Variants in GRIN2A observed in about 807,000 individuals in gnomAD.
GRIN2A encodes the protein glutamate ionotropic receptor NMDA type subunit 2A.
Under a neutral mutation model 113.4 loss-of-function variants are expected in GRIN2A, and 22 were observed. That is an observed-to-expected ratio of 0.19 (90% confidence interval 0.14 to 0.28). GRIN2A has a LOEUF of 0.28. Among genes scored for constraint, GRIN2A ranks in the 10% least tolerant of loss-of-function variants. GRIN2A has a pLI of 1.00. For missense variants in GRIN2A, 1,502 were observed against 1,887.0 expected (o/e 0.80, Z 3.78); for synonymous variants, 827 against 738.4 (o/e 1.12, Z -1.94).
intron 2 of GRIN2A, chr16:10,111,387 G>A (rs549980321): frequency 1.9e-4 from 94 of 482,342 alleles, no homozygotes; most frequent in African/African-American, 9.3e-4. Flanking sequence ...GCAGCATGGC[G>A]AACCATCTGA....
At chr16:9,971,894 G>A (rs919142635) in intron 2 of GRIN2A, among the ~76,000 whole-genome samples, 2 of 152,156 alleles carry the variant, frequency 1.3e-5, no homozygotes, top group African/African-American at 2.4e-5. Flanking sequence ...ATGGAAGAAG[G>A]GCTCATCATA....
intron 2 of GRIN2A, among the ~76,000 whole-genome samples, chr16:9,949,582 G>A (rs1567195204): frequency 6.6e-6 from 1 of 151,764 alleles, no homozygotes; most frequent in East Asian, 1.9e-4. Flanking sequence ...ATGGATGAAT[G>A]GATAGACGGA....
intron 3 of GRIN2A, among the ~76,000 whole-genome samples, chr16:9,907,849 A>G (rs1287463094): frequency 6.6e-6 from 1 of 152,142 alleles, no homozygotes; most frequent in Non-Finnish European, 1.5e-5. Context: ...AGAGTTTTTC[A>G]AACACATACA....
intron 2 of GRIN2A, among the ~76,000 whole-genome samples, chr16:10,123,450 T>C (rs1449577693): frequency 1.3e-5 from 2 of 152,190 alleles, no homozygotes; most frequent in African/African-American, 2.4e-5. Flanking sequence ...CAGCTCCTCG[T>C]TGATGCCATA....
At chr16:10,171,902 T>C (rs2050050681) in intron 2 of GRIN2A, among the ~76,000 whole-genome samples, 2 of 152,192 alleles carry the variant, frequency 1.3e-5, no homozygotes, top group South Asian at 4.1e-4. Context: ...TATTAAGAAC[T>C]TCCCCATGAT....
chr16:10,047,336 G>C (rs1453388521), intron 2 of GRIN2A, among the ~76,000 whole-genome samples: 2 of 152,050 alleles, frequency 1.3e-5, no homozygotes, highest in Non-Finnish European at 2.9e-5. Flanking sequence ...AGAAAATCGG[G>C]GTGATAAAGT....
chr16:9,887,413 T>C (rs2043606397), intron 4 of GRIN2A, among the ~76,000 whole-genome samples: 1 of 152,220 alleles, frequency 6.6e-6, no homozygotes, highest in African/African-American at 2.4e-5. Flanking sequence ...GAACTTTATG[T>C]AAATGGAATC....
At chr16:10,042,260 G>C (rs1389343233) in intron 2 of GRIN2A, among the ~76,000 whole-genome samples, 1 of 152,140 alleles carries the variant, frequency 6.6e-6, no homozygotes, top group African/African-American at 2.4e-5. Flanking sequence ...TGAATGGAGT[G>C]GGGGACAAAA....
intron 2 of GRIN2A, among the ~76,000 whole-genome samples, chr16:10,045,269 C>T (rs546066307): frequency 6.6e-6 from 1 of 152,326 alleles, no homozygotes; most frequent in South Asian, 2.1e-4. Context: ...GTTAATAACA[C>T]AGATGGCCTC....
At chr16:10,064,156 G>A (rs2047603033) in intron 2 of GRIN2A, among the ~76,000 whole-genome samples, 1 of 152,166 alleles carries the variant, frequency 6.6e-6, no homozygotes, top group Non-Finnish European at 1.5e-5. Context: ...CTTTGTTGGT[G>A]AGTGTTTTGT....
intron 2 of GRIN2A, among the ~76,000 whole-genome samples, chr16:10,066,128 C>G (rs573740345): frequency 7.2e-5 from 11 of 152,306 alleles, no homozygotes; most frequent in African/African-American, 2.2e-4. Context: ...AGAAAGCAGA[C>G]GATGCTCTTC....
chr16:10,075,680 T>C (rs911070621), intron 2 of GRIN2A, among the ~76,000 whole-genome samples: 1 of 152,170 alleles, frequency 6.6e-6, no homozygotes, highest in Non-Finnish European at 1.5e-5. Flanking sequence ...GGCACCTTGA[T>C]GACACATATC....
intron 3 of GRIN2A, among the ~76,000 whole-genome samples, chr16:9,895,920 T>C (rs528617011): frequency 3.4e-4 from 52 of 152,314 alleles, no homozygotes; most frequent in African/African-American, 1.2e-3. Context: ...ATCAAGAAAT[T>C]TGGAAATATC....
intron 4 of GRIN2A, among the ~76,000 whole-genome samples, chr16:9,887,480 T>C (rs1402999532): frequency 2.6e-5 from 4 of 152,214 alleles, no homozygotes; most frequent in Admixed American, 1.3e-4. Flanking sequence ...CTTTCTTTGA[T>C]TCCATATAAT....
At chr16:9,962,078 G>C (rs1240249295) in intron 2 of GRIN2A, among the ~76,000 whole-genome samples, 1 of 152,180 alleles carries the variant, frequency 6.6e-6, no homozygotes, top group East Asian at 1.9e-4. Flanking sequence ...GCTGAAACTG[G>C]ATCCCTTCCT....
intron 2 of GRIN2A, among the ~76,000 whole-genome samples, chr16:10,047,919 T>C (rs2047288383): frequency 6.6e-6 from 1 of 152,178 alleles, no homozygotes; most frequent in Non-Finnish European, 1.5e-5. Context: ...TACTAACATA[T>C]GTCTCACTGG....
intron 2 of GRIN2A, among the ~76,000 whole-genome samples, chr16:9,941,448 C>A (rs1399282721): frequency 6.6e-6 from 1 of 152,226 alleles, no homozygotes; most frequent in Non-Finnish European, 1.5e-5. Context: ...TTAATTGGCC[C>A]AGAGCCAGCT....
chr16:9,918,035 G>C (rs1047675221), intron 3 of GRIN2A, among the ~76,000 whole-genome samples: 1 of 152,126 alleles, frequency 6.6e-6, no homozygotes, highest in Non-Finnish European at 1.5e-5. Context: ...AGCATTCATA[G>C]ATCACTTACT....
intron 2 of GRIN2A, among the ~76,000 whole-genome samples, chr16:10,131,533 T>C (rs1400881577): frequency 6.6e-6 from 1 of 151,966 alleles, no homozygotes; most frequent in African/African-American, 2.4e-5. Context: ...AGAGCACCTC[T>C]GCTCTCGGAG....
Sources: allele counts gnomAD v4.1 joint callset (sites outside exome capture counted in the v4.1 genomes callset), GRCh38; gene constraint gnomAD v4.1.1; transcripts MANE v1.5; gene names NCBI Gene and HGNC (gene_info 2026-07-23, HGNC 2026-07-21).